The following DUOX1 variants were observed in gnomAD, a reference collection of about 807,000 sequenced individuals.
The protein encoded by DUOX1 is NADPH thyroid oxidase 1.
Under a neutral mutation model 181.8 loss-of-function variants are expected in DUOX1, and 134 were observed. The observed-to-expected ratio is 0.74, with a 90% confidence interval of 0.64 to 0.85. The LOEUF (loss-of-function observed/expected upper bound fraction) is 0.85. Ranked by LOEUF, DUOX1 falls within the 40% of genes least tolerant of loss-of-function variation. The probability of loss-of-function intolerance (pLI) is 0.00; values close to 1 mark genes in which losing one functional copy is unlikely to be tolerated. For synonymous variants in DUOX1, 798 were observed against 832.5 expected (o/e 0.96, Z 0.71); for missense variants, 1,814 against 2,064.4 (o/e 0.88, Z 2.35).
chr15:45,160,774 A>T, intron 28 of DUOX1, 63 bp from the exon 29 acceptor site: 1 of 1,516,870 alleles, frequency 6.6e-7, no homozygotes, highest in Non-Finnish European at 8.8e-7. Flanking sequence ...CTAAGGCCTG[A>T]GCTGGCCCTG....
Position 45,153,494 on chromosome 15 carries a change from ATGTGTGTGTGTG to A in DUOX1, c.3524+57_3524+68del, listed in dbSNP as rs58154992. 4,423 of 884,026 alleles carry A rather than the reference ATGTGTGTGTGTG, an allele frequency of 5.0e-3. 43 individuals carry two copies. The highest frequency in any genetic ancestry group is 0.024 in the African/African-American group (1,196 of 49,996). The allele number at this position is 884,026 out of a possible 1,614,324, so 54.8% of individuals were successfully genotyped here. On this transcript the variant is annotated intron_variant, in intron 26 of 33. Coordinates refer to ENST00000389037, the MANE Select transcript of DUOX1 (RefSeq NM_175940.3). ...CATGATGATGGGTGAGTAAGTGCGA[ATGTGTGTGTGTG>A]TGTGTGTGTGTGTGTGTGTGTGTGT...
rs1219763150 is a variant in DUOX1, at chr15:45,153,368, G to C, written c.3425-12G>C. ...CTGCCCCAAGCTCACCACTTGGTCTGCTCTTCCTTAGTCTTACACAGTGTG... is the reference window on the plus strand; with the variant it reads ...CTGCCCCAAGCTCACCACTTGGTCTCCTCTTCCTTAGTCTTACACAGTGTG... On this transcript the variant is annotated splice_polypyrimidine_tract_variant and intron_variant, in intron 25 of 33. Coordinates refer to ENST00000389037, the MANE Select transcript of DUOX1 (RefSeq NM_175940.3). 1 of 1,613,062 alleles carries C rather than the reference G, an allele frequency of 6.2e-7. No homozygotes were observed. Among genetic ancestry groups the C allele is most frequent in the Non-Finnish European group, 8.5e-7 (1 of 1,179,124 alleles).
At chr15:45,144,763 T>C in intron 17 of DUOX1, 132 bp from the exon 18 acceptor site, 3 of 977,736 alleles carry the variant, frequency 3.1e-6, no homozygotes, top group Non-Finnish European at 4.6e-6. Flanking sequence ...GCCCCTTTCC[T>C]CTTCTGTAAA....
chr15:45,144,809 G>A, intron 17 of DUOX1, 86 bp from the exon 18 acceptor site: 1 of 1,420,734 alleles, frequency 7.0e-7, no homozygotes, highest in Admixed American at 2.3e-5. Flanking sequence ...GGCCACCCCA[G>A]TGGCCCCTCT....
intron 18 of DUOX1, among the ~76,000 whole-genome samples, chr15:45,146,264 G>A (rs1013153706): frequency 6.6e-6 from 1 of 152,232 alleles, no homozygotes; most frequent in Non-Finnish European, 1.5e-5. Context: ...ATTCATGAGA[G>A]AAGCATCCAT....
chr15:45,162,001 C>T (rs758810818), intron 30 of DUOX1, 31 bp downstream of exon 30: 9 of 1,572,162 alleles, frequency 5.7e-6, no homozygotes, highest in East Asian at 2.3e-5. Flanking sequence ...ATGCCACATG[C>T]GCCCATATCC....
intron 5 of DUOX1, 66 bp from the exon 6 acceptor site, chr15:45,135,408 G>C: frequency 1.3e-6 from 2 of 1,510,224 alleles, no homozygotes; most frequent in Admixed American, 2.2e-5. Flanking sequence ...GACACCCGCC[G>C]GGCCCCGGCC....
At chr15:45,139,330 C>T (rs1448647498) in intron 11 of DUOX1, 97 bp from the exon 12 acceptor site, 1 of 1,587,486 alleles carries the variant, frequency 6.3e-7, no homozygotes, top group Non-Finnish European at 8.6e-7. Flanking sequence ...CTCCTTCTGG[C>T]TCAAGTCTCC....
rs776690871 is a variant in DUOX1, at chr15:45,135,337, G to C, written c.495+46G>C. The C allele has an allele frequency of 2.7e-5, 42 of 1,536,592 alleles. No individual in the cohort carries two copies. The African/African-American group carries it at 5.1e-4, about 19-fold the overall frequency. On this transcript the variant is annotated intron_variant, in intron 5 of 33. Transcript: ENST00000389037. Reference sequence around the variant, plus strand: ...GGAAGGGACCGCACCCCAGCCAGGTGGGACCTGGGCTTCGGGCCTGGCAGG... The same window carrying C: ...GGAAGGGACCGCACCCCAGCCAGGTCGGACCTGGGCTTCGGGCCTGGCAGG...
At chr15:45,147,697 G>T in intron 19 of DUOX1, 39 bp downstream of exon 19, 1 of 1,611,648 alleles carries the variant, frequency 6.2e-7, no homozygotes. Flanking sequence ...CTGGACAGGG[G>T]CTGATCTGTT....
At chr15:45,160,305 C>A (rs1897066594) in intron 28 of DUOX1, among the ~76,000 whole-genome samples, 1 of 152,050 alleles carries the variant, frequency 6.6e-6, no homozygotes, top group Admixed American at 6.6e-5. Context: ...ATGGGAAGAA[C>A]CAGGAGAAGG....
chr15:45,148,023 A>G, intron 20 of DUOX1, 26 bp downstream of exon 20: 1 of 1,594,868 alleles, frequency 6.3e-7, no homozygotes, highest in Non-Finnish European at 8.6e-7. Flanking sequence ...CAGCCAGGAG[A>G]ATGGGCCAGG....
At chr15:45,157,162 C>T (rs1348731442) in intron 28 of DUOX1, among the ~76,000 whole-genome samples, 1 of 152,222 alleles carries the variant, frequency 6.6e-6, no homozygotes, top group Non-Finnish European at 1.5e-5. Flanking sequence ...TTCATCTTGC[C>T]TGTTGCTCAG....
intron 4 of DUOX1, 143 bp downstream of exon 4, chr15:45,134,452 T>C (rs572504597): frequency 3.4e-6 from 3 of 873,896 alleles, no homozygotes; most frequent in East Asian, 3.0e-5. Context: ...TGGGGTATGG[T>C]AGGGGTAGAA....
intron 15 of DUOX1, 54 bp from the exon 16 acceptor site, chr15:45,143,136 C>A: frequency 1.4e-6 from 2 of 1,402,858 alleles, no homozygotes; most frequent in Middle Eastern, 1.8e-4. Flanking sequence ...AAAGGAGCTG[C>A]TTCCATCCCC....
chr15:45,137,966 A>C lies in DUOX1; in HGVS notation c.1065A>C (p.Ser355=). 6.2e-7 allele frequency: 1 copy of C among 1,610,716 alleles called. No homozygotes were observed. The highest frequency in any genetic ancestry group is 8.5e-7 in the Non-Finnish European group (1 of 1,178,118). The change falls in exon 10 of 34, where the codon TCA becomes TCC. Residue 355 remains serine (S), a synonymous_variant. Transcript: ENST00000389037. ...CHFQGVINRN[S]SVSRALRVCN... ...TCCAGGGGGTCATCAATCGGAACTC[A>C]AGTGTCTCCAGAGCTCTCCGGGTCT...
chr15:45,147,833 C>A (rs1896694282), intron 19 of DUOX1, 71 bp from the exon 20 acceptor site: 5 of 1,512,436 alleles, frequency 3.3e-6, no homozygotes, highest in Admixed American at 3.4e-5. Flanking sequence ...TGGTGTGAGG[C>A]CCCTTTTGGC....
chr15:45,150,533 T>C, intron 21 of DUOX1, 99 bp from the exon 22 acceptor site: 1 of 1,150,452 alleles, frequency 8.7e-7, no homozygotes, highest in South Asian at 1.3e-5. Flanking sequence ...GACTGTCTAC[T>C]GTGCCTGAGC....
chr15:45,152,833 G>T, intron 25 of DUOX1: 1 of 479,982 alleles, frequency 2.1e-6, no homozygotes, highest in Non-Finnish European at 3.8e-6. Context: ...AAGCAAAGGA[G>T]TGAACTTCTA....
Sources: allele counts gnomAD v4.1 joint callset (sites outside exome capture counted in the v4.1 genomes callset), GRCh38; gene constraint gnomAD v4.1.1; transcripts MANE v1.5; gene names NCBI Gene and HGNC (gene_info 2026-07-23, HGNC 2026-07-21).